ZNF451: variants seen among roughly 807,000 people sequenced by gnomAD.
ZNF451 encodes the protein zinc finger protein 451, also known as E3 SUMO-protein ligase ZNF451.
In ZNF451, 80 loss-of-function variants were observed where a neutral mutation model predicts 107.1. That is an observed-to-expected ratio of 0.75 (90% CI 0.62 to 0.90). The LOEUF is 0.90. Among genes scored for constraint, ZNF451 ranks in the 40% least tolerant of loss-of-function variants. ZNF451 has a pLI of 0.00. For synonymous variants in ZNF451, 362 were observed against 406.5 expected, an observed-to-expected ratio of 0.89 and a Z score of 1.32; for missense variants, 1,107 against 1,236.2, an observed-to-expected ratio of 0.90 and a Z score of 1.57.
rs1831262994 is a variant in ZNF451 at position 57,133,144 on chromosome 6, G to C, written c.527G>C (p.Cys176Ser). Reference sequence around the variant, plus strand: ...CCAATTTTATGTCCTATAATGCACTGTAACAAGGAGTTTGACAATGGGCAC... The same window carrying C: ...CCAATTTTATGTCCTATAATGCACTCTAACAAGGAGTTTGACAATGGGCAC... ...GKPILCPIMH[C>S]NKEFDNGHLL... The change falls in exon 6 of 15, where the codon TGT (cysteine) becomes TCT (serine). Residue 176 changes from cysteine to serine, a missense_variant. Cys to Ser is a moderately radical substitution (Grantham distance 112). Transcript: ENST00000370706. 1.2e-6 allele frequency: 2 copies of C among 1,613,936 alleles called. No individual in the cohort carries two copies. Among genetic ancestry groups the C allele is most frequent in the Admixed American group, 3.3e-5 (2 of 60,010 alleles).
chr6:57,123,419 G>A (rs1464348749), intron 3 of ZNF451, among the ~76,000 whole-genome samples: 5 of 152,160 alleles, frequency 3.3e-5, no homozygotes, highest in Admixed American at 6.6e-5. Context: ...ACAGAAAAAC[G>A]AGTACCATAT....
intron 3 of ZNF451, among the ~76,000 whole-genome samples, chr6:57,120,284 T>C (rs1321350441): frequency 6.6e-6 from 1 of 152,252 alleles, no homozygotes; most frequent in East Asian, 1.9e-4. Context: ...AATAATGTTC[T>C]ATTGTCTGAA....
chr6:57,135,652 A>G (rs1021066307), intron 7 of ZNF451, among the ~76,000 whole-genome samples: 1 of 152,182 alleles, frequency 6.6e-6, no homozygotes, highest in Non-Finnish European at 1.5e-5. Context: ...CATCGAATCA[A>G]TGCATACATT....
intron 3 of ZNF451, among the ~76,000 whole-genome samples, chr6:57,121,438 G>T (rs574293425): frequency 6.6e-6 from 1 of 152,222 alleles, no homozygotes; most frequent in East Asian, 1.9e-4. Context: ...GATTGTGATT[G>T]CATTGAATAT....
rs1562617939 is a variant in ZNF451 at position 57,142,018 on chromosome 6, A to G, written c.927A>G (p.Lys309=). 6.2e-7 allele frequency: 1 copy of G among 1,614,130 alleles called. No homozygotes were observed. Among genetic ancestry groups the G allele is most frequent in the East Asian group, 2.2e-5 (1 of 44,876 alleles). Reference sequence around the variant, plus strand: ...AGAAACTTTTGATCTCTCTGTGCAAAGATGTTCCCTTTCAAGTTAAGTGTG... The same window carrying G: ...AGAAACTTTTGATCTCTCTGTGCAAGGATGTTCCCTTTCAAGTTAAGTGTG... ...FAKKLLISLC[K]DVPFQVKCVA... The change falls in exon 9 of 15, where the codon AAA becomes AAG. Residue 309 remains lysine (K), a synonymous_variant. Transcript: ENST00000370706.
intron 5 of ZNF451, among the ~76,000 whole-genome samples, chr6:57,132,161 A>G (rs906845816): frequency 6.6e-6 from 1 of 152,212 alleles, no homozygotes; most frequent in Non-Finnish European, 1.5e-5. Flanking sequence ...GGTATCAACA[A>G]TAAGTAAATC....
At chr6:57,130,369 A>G (rs1831128095) in intron 5 of ZNF451, among the ~76,000 whole-genome samples, 2 of 152,066 alleles carry the variant, frequency 1.3e-5, no homozygotes, top group Admixed American at 6.6e-5. Flanking sequence ...CTTCATGTAC[A>G]TTCTTCTCAG....
chr6:57,142,841 C>T (rs1166999249), intron 9 of ZNF451, among the ~76,000 whole-genome samples: 1 of 152,122 alleles, frequency 6.6e-6, no homozygotes, highest in South Asian at 2.1e-4. Context: ...TTACTCTTCA[C>T]CCTTGCTAAC....
rs1165759971 is a variant in ZNF451, at chr6:57,141,332, C to T, written c.733C>T (p.Leu245Phe). 6.2e-7 allele frequency: 1 copy of T among 1,612,088 alleles called. No individual in the cohort carries two copies. Among genetic ancestry groups the T allele is most frequent in the Admixed American group, 1.7e-5 (1 of 59,882 alleles). ...EATDDGHNNN[L>F]LPQIIQCFAC... ...CACAGATGATGGACATAACAACAAC[C>T]TTCTTCCTCAGATTATTCAGTGTTT... The change falls in exon 8 of 15, where the codon CTT (leucine) becomes TTT (phenylalanine). Residue 245 changes from leucine to phenylalanine, a missense_variant. Physicochemically the swap from Leu to Phe is conservative, Grantham distance 22. Coordinates refer to ENST00000370706, the MANE Select transcript of ZNF451 (RefSeq NM_001031623.3).
chr6:57,141,861 C>A, intron 8 of ZNF451, 87 bp from the exon 9 acceptor site: 1 of 1,165,564 alleles, frequency 8.6e-7, no homozygotes, highest in Non-Finnish European at 1.2e-6. Flanking sequence ...CTTACTCCAA[C>A]TAATGTTGAG....
At chr6:57,141,583 A>G (rs765460038) in intron 8 of ZNF451, 128 bp downstream of exon 8, 4 of 884,020 alleles carry the variant, frequency 4.5e-6, no homozygotes, top group Non-Finnish European at 6.5e-6. Flanking sequence ...GTAAAAGATT[A>G]TCTCAATTCC....
At chr6:57,126,195 T>C (rs1256042645) in intron 4 of ZNF451, among the ~76,000 whole-genome samples, 3 of 152,180 alleles carry the variant, frequency 2.0e-5, no homozygotes, top group Non-Finnish European at 4.4e-5. Context: ...ATACTTTACA[T>C]TGAAGATTTT....
Position 57,134,843 on chromosome 6 carries a change from A to C in ZNF451, c.675A>C (p.Gln225His). The change falls in exon 7 of 15, where the codon CAA becomes CAC. Residue 225 changes from glutamine to histidine, a missense_variant. Around this residue, in one of 5 missense-constraint regions of ZNF451, gnomAD observed 339 missense variants for 372.8 expected, o/e 0.91. Coordinates refer to ENST00000370706, the MANE Select transcript of ZNF451 (RefSeq NM_001031623.3). ...VVCYKKFVTQ[Q>H]QYRDHLFDKE... Reference sequence around the variant, plus strand: ...GTTATAAAAAATTTGTTACTCAACAACAATATAGAGATCACCTTTTTGATA... The same window carrying C: ...GTTATAAAAAATTTGTTACTCAACACCAATATAGAGATCACCTTTTTGATA... The C allele has an allele frequency of 6.2e-7, 1 of 1,609,170 alleles. No homozygotes were observed. Among genetic ancestry groups the C allele is most frequent in the Non-Finnish European group, 8.5e-7 (1 of 1,176,834 alleles).
Position 57,092,225 on chromosome 6 carries a change from A to G in ZNF451, c.105+1331A>G, listed in dbSNP as rs113724025. On this transcript the variant is annotated intron_variant, in intron 2 of 14. Coordinates refer to ENST00000370706, the MANE Select transcript of ZNF451 (RefSeq NM_001031623.3). The stretch of plus-strand genomic sequence containing the variant: ...ACTATGGCCCTTTTTGAGAAACACG[A>G]GTAGCATCTCTTAATATTTGAAAAA... 6.5e-3 allele frequency among the ~76,000 whole-genome samples: 983 copies of G among 152,316 alleles called. 5 individuals carry two copies. The highest frequency in any genetic ancestry group is 0.01 in the Middle Eastern group (3 of 292).
At chr6:57,161,829 G>C (rs2127988073) in intron 14 of ZNF451, among the ~76,000 whole-genome samples, 1 of 152,190 alleles carries the variant, frequency 6.6e-6, no homozygotes, top group South Asian at 2.1e-4. Context: ...ACAGTAGCTG[G>C]TATTACAGGC....
At chr6:57,110,338 T>G (rs1830053549) in intron 3 of ZNF451, among the ~76,000 whole-genome samples, 1 of 152,234 alleles carries the variant, frequency 6.6e-6, no homozygotes, top group East Asian at 1.9e-4. Context: ...CAGCCATTAC[T>G]TGTAAGGTTC....
chr6:57,128,589 T>A lies in ZNF451; in HGVS notation c.313-140T>A, dbSNP rs1315520831. 4 of 616,394 alleles carry A rather than the reference T, an allele frequency of 6.5e-6. No individual in the cohort carries two copies. The African/African-American group carries it at 7.5e-5, about 12-fold the overall frequency. The allele number at this position is 616,394 out of a possible 1,614,324, so 38.2% of individuals were successfully genotyped here. A position where few individuals can be genotyped will look rare whatever the true frequency, so the allele number is the denominator to read the frequency against. ...GAGCGTGCATTTTTATTTTGATGTA[T>A]TTCTTTGTCATACATTTCTAGATGT... On this transcript the variant is annotated intron_variant, in intron 4 of 14. Coordinates refer to ENST00000370706, the MANE Select transcript of ZNF451 (RefSeq NM_001031623.3).
At chr6:57,104,338 T>TGA (rs1829745891) in intron 3 of ZNF451, 1 of 985,296 alleles carries the variant, frequency 1.0e-6, no homozygotes, top group Non-Finnish European at 1.2e-6. Context: ...AACTCAGTGG[T>TGA]GAGAGACCTT....
At chr6:57,098,346 CTTTTAG>C (rs1308172593) in intron 2 of ZNF451, among the ~76,000 whole-genome samples, 1 of 151,748 alleles carries the variant, frequency 6.6e-6, no homozygotes, top group African/African-American at 2.4e-5. Context: ...TAATCAATCT[CTTTTAG>C]TTTTCCATTT....
Sources: allele counts gnomAD v4.1 joint callset (sites outside exome capture counted in the v4.1 genomes callset), GRCh38; gene constraint gnomAD v4.1.1; regional missense constraint gnomAD v4.1.1; transcripts MANE v1.5; gene names NCBI Gene and HGNC (gene_info 2026-07-23, HGNC 2026-07-21).